Variants in NRXN2 observed in about 807,000 individuals in gnomAD.
NRXN2 encodes neurexin-2-beta.
A neutral mutation model predicts 128.8 loss-of-function variants in NRXN2; 29 were observed. That is an observed-to-expected ratio of 0.23 (90% CI 0.17 to 0.31). The LOEUF is 0.31. Among genes scored for constraint, NRXN2 ranks in the 10% least tolerant of loss-of-function variants. The pLI is 1.00. For missense variants in NRXN2, 1,881 were observed against 2,452.6 expected (o/e 0.77, Z 4.92); for synonymous variants, 1,098 against 1,075.2 (o/e 1.02, Z -0.41).
chr11:64,626,578 G>C (rs1255731068), intron 19 of NRXN2, 26 bp from the exon 20 acceptor site: 1 of 1,571,184 alleles, frequency 6.4e-7, no homozygotes, highest in South Asian at 1.1e-5. Flanking sequence ...AAAGACAGTA[G>C]GTTTCTCAGG....
At position 64,607,462 on chromosome 11, in the gene NRXN2, C is replaced by A; in HGVS notation, c.4873G>T (p.Ala1625Ser). ...TGPGERGPPGAVEVIRESSST... is the reference protein window; with the variant it reads ...TGPGERGPPGSVEVIRESSST... ...CTGGACTCCCGGATCACCTCCACTG[C>A]GCCCGGCGGGCCCCGCTCCCCAGGC... is the stretch of plus-strand genomic sequence containing the variant. Residue 1625 changes from alanine to serine, a missense_variant, in exon 23 of 23, where the codon GCA becomes TCA. Transcript: ENST00000265459. 2 of 1,609,300 alleles carry A rather than the reference C, an allele frequency of 1.2e-6. No individual in the cohort carries two copies. The highest frequency in any genetic ancestry group is 1.7e-6 in the Non-Finnish European group (2 of 1,179,116).
At chr11:64,672,090 T>C (rs959304364) in intron 7 of NRXN2, among the ~76,000 whole-genome samples, 7 of 151,024 alleles carry the variant, frequency 4.6e-5, no homozygotes, top group African/African-American at 1.5e-4. Context: ...CCTGGAAGAG[T>C]TGTGTCCAGC....
chr11:64,719,030 T>C (rs1354807157), intron 1 of NRXN2, among the ~76,000 whole-genome samples: 1 of 152,200 alleles, frequency 6.6e-6, no homozygotes, highest in African/African-American at 2.4e-5. Context: ...AAAATAGAGA[T>C]AATAATAGTG....
At chr11:64,678,331 CA>C (rs1339721643) in intron 6 of NRXN2, among the ~76,000 whole-genome samples, 2 of 152,066 alleles carry the variant, frequency 1.3e-5, no homozygotes, top group Non-Finnish European at 2.9e-5. Context: ...CCAGGCTCTT[CA>C]ATCACCCCAA....
Position 64,607,803 on chromosome 11 carries a change from T to G in NRXN2, c.4532A>C (p.Glu1511Ala). 1 of 1,600,970 alleles carries G rather than the reference T, an allele frequency of 6.2e-7. No individual in the cohort carries two copies. ...CAGGGGAAAGGTGGTGTAAAAGTCC[T>G]CGTCGTCCGTGGGGGGGAGGCTGGA... ...FDSSLPPTDD[E>A]DFYTTFPLVT... Residue 1511 changes from glutamate (E) to alanine (A), a missense_variant, in exon 23 of 23, where the codon GAG (glutamate) becomes GCG (alanine). Glu to Ala is a moderately radical substitution (Grantham distance 107). Around this residue, in one of 7 missense-constraint regions of NRXN2, gnomAD observed 310 missense variants for 318.2 expected, o/e 0.97. Transcript: ENST00000265459.
rs1255330346 is a variant in NRXN2 at position 64,648,846 on chromosome 11, G to T, written c.3171C>A (p.Ala1057=). 1 of 1,614,212 alleles carries T rather than the reference G, an allele frequency of 6.2e-7. No individual in the cohort carries two copies. The highest frequency in any genetic ancestry group is 8.5e-7 in the Non-Finnish European group (1 of 1,180,030). The part of the protein sequence containing the change: ...NMFSNLPKLV[A]SRDGFQGCLA... ...GGCAGCCCTGAAAGCCATCCCGGGA[G>T]GCCACCAGCTTGGGCAGGTTGCTGA... Residue 1057 remains alanine (A), a synonymous_variant, in exon 16 of 23, where the codon GCC becomes GCA. Transcript: ENST00000265459. The surrounding 1 kb of genome is among the most constrained non-coding windows in gnomAD (Gnocchi z 4.1).
At position 64,685,709 on chromosome 11, in the gene NRXN2, G is replaced by A. The variant is rs145225716; in HGVS notation, c.1089C>T (p.Pro363=). The change falls in exon 6 of 23, where the codon CCC becomes CCT. Residue 363 remains proline (P), a synonymous_variant. Coordinates refer to ENST00000265459, the MANE Select transcript of NRXN2 (RefSeq NM_015080.4). ...GSGAFEALVE[P]VNGKFNDNAW... is the part of the protein sequence containing the mutation. ...CGTTGTCGTTGAACTTGCCATTGAC[G>A]GGTTCCACAAGGGCCTCGAAGGCAC... 689 of 1,614,220 alleles carry A rather than the reference G, an allele frequency of 4.3e-4. 1 individual carries two copies. The highest frequency in any genetic ancestry group is 5.3e-4 in the East Asian group (24 of 44,880).
intron 6 of NRXN2, among the ~76,000 whole-genome samples, chr11:64,684,388 G>A (rs1046776128): frequency 6.6e-6 from 1 of 152,160 alleles, no homozygotes; most frequent in South Asian, 2.1e-4. Flanking sequence ...GAGGAGCCCC[G>A]CATTAAGGAG....
chr11:64,676,654 C>T (rs2051355586), intron 7 of NRXN2: 3 of 366,006 alleles, frequency 8.2e-6, no homozygotes, highest in South Asian at 5.6e-5. Context: ...AGCCTGGCAT[C>T]GGGGCTGGTC....
intron 2 of NRXN2, among the ~76,000 whole-genome samples, chr11:64,712,239 G>GACCCCACTC (rs2056984300): frequency 7.7e-6 from 1 of 130,586 alleles, no homozygotes; most frequent in Non-Finnish European, 1.6e-5. Context: ...CTTCCACACA[G>GACCCCACTC]ACCCCACTCA....
chr11:64,723,194 G>A lies in NRXN2; in HGVS notation c.-468C>T, dbSNP rs980924375. On this transcript the variant is annotated 5_prime_UTR_variant, in exon 1 of 23. Transcript: ENST00000265459. ...CCCGCCGCCGCATCCCTGCAACACC[G>A]ACTGACGGCAGCATCAGCACCAGTG... The A allele has an allele frequency of 4.4e-5, 6 of 135,276 alleles. No homozygotes were observed. Among genetic ancestry groups the A allele is most frequent in the Non-Finnish European group, 7.7e-5 (5 of 65,154 alleles). 8.4% of individuals were successfully genotyped at this position (135,276 alleles called of 1,614,324 possible). A position where few individuals can be genotyped will look rare whatever the true frequency, so the allele number is the denominator to read the frequency against.
chr11:64,713,836 C>G lies in NRXN2; in HGVS notation c.-137G>C, dbSNP rs1268932580. 1.9e-5 allele frequency: 8 copies of G among 425,662 alleles called. No individual in the cohort carries two copies. The highest frequency in any genetic ancestry group is 1.5e-4 in the African/African-American group (7 of 46,432). 26.4% of individuals were successfully genotyped at this position (425,662 alleles called of 1,614,324 possible). A position where few individuals can be genotyped will look rare whatever the true frequency, so the allele number is the denominator to read the frequency against. On this transcript the variant is annotated 5_prime_UTR_variant, in exon 2 of 23. Transcript: ENST00000265459. ...TTGCAGGCTCACAGTGCCATGGGCCCGGCCGCGGGGCGAGGCGCGCAGAGG... is the reference window on the plus strand; with the variant it reads ...TTGCAGGCTCACAGTGCCATGGGCCGGGCCGCGGGGCGAGGCGCGCAGAGG...
Position 64,642,757 on chromosome 11 carries a change from G to C in NRXN2, c.3403+5462C>G, listed in dbSNP as rs1056453515. ...CGGCGGCAGGGGCCCAGCCAGGGCC[G>C]GGGGGCGGCGCGGGCACCCCCCCGG... On this transcript the variant is annotated intron_variant, in intron 17 of 22. Transcript: ENST00000265459. 21 of 1,227,538 alleles carry C rather than the reference G, an allele frequency of 1.7e-5. No homozygotes were observed. The Admixed American group carries it at 8.2e-4, about 48-fold the overall frequency. The allele number at this position is 1,227,538 out of a possible 1,614,324, so 76.0% of individuals were successfully genotyped here. A position where few individuals can be genotyped will look rare whatever the true frequency, so the allele number is the denominator to read the frequency against.
intron 5 of NRXN2, 86 bp from the exon 6 acceptor site, chr11:64,686,033 C>A (rs2053001199): frequency 2.0e-6 from 3 of 1,484,526 alleles, no homozygotes; most frequent in Non-Finnish European, 2.8e-6. Flanking sequence ...GCAACGCAGG[C>A]ACTGGTCCTG....
intron 3 of NRXN2, among the ~76,000 whole-genome samples, chr11:64,696,231 G>A (rs950142108): frequency 4.6e-5 from 7 of 151,764 alleles, no homozygotes; most frequent in Non-Finnish European, 7.4e-5. Context: ...AGAAGGCTGC[G>A]TCCACCCAGA....
At chr11:64,649,749 G>A (rs2047202909) in intron 15 of NRXN2, among the ~76,000 whole-genome samples, 1 of 152,150 alleles carries the variant, frequency 6.6e-6, no homozygotes, top group Non-Finnish European at 1.5e-5. Context: ...GGTTCCTATG[G>A]GGCTGAGGGC....
chr11:64,686,441 G>A (rs1235395079), intron 5 of NRXN2, among the ~76,000 whole-genome samples: 1 of 152,210 alleles, frequency 6.6e-6, no homozygotes, highest in Admixed American at 6.5e-5. Context: ...CTCAGTGCCT[G>A]GAGACAGTTT....
intron 9 of NRXN2, among the ~76,000 whole-genome samples, chr11:64,664,705 T>C (rs2049537891): frequency 6.6e-6 from 1 of 151,862 alleles, no homozygotes; most frequent in Non-Finnish European, 1.5e-5. Flanking sequence ...AAATGGGTCA[T>C]CAGAGGCCGG....
At chr11:64,610,676 C>G (rs1480248634) in intron 22 of NRXN2, among the ~76,000 whole-genome samples, 1 of 152,124 alleles carries the variant, frequency 6.6e-6, no homozygotes, top group Non-Finnish European at 1.5e-5. Flanking sequence ...GGACCTCTAG[C>G]CTTTGGATGA....
Sources: gnomAD v4.1 joint callset for allele counts (sites outside exome capture counted in the v4.1 genomes callset) on GRCh38, gnomAD v4.1.1 for gene constraint, gnomAD v4.1.1 regional missense constraint, Gnocchi (gnomAD v3.1) non-coding constraint, MANE v1.5 for transcripts, NCBI Gene and HGNC (gene_info 2026-07-23, HGNC 2026-07-21) for gene names.